The following LCP1 variants were observed in gnomAD, a reference collection of about 807,000 sequenced individuals.
LCP1 encodes lymphocyte cytosolic protein 1, also known as plastin-2.
A neutral mutation model predicts 72.0 loss-of-function variants in LCP1; 23 were observed. That is an observed-to-expected ratio of 0.32 (90% confidence interval 0.23 to 0.45). LCP1 has a LOEUF of 0.45. LCP1 is among the 20% of genes least tolerant of loss of function. The pLI is 1.00. For missense variants in LCP1, 571 were observed against 748.3 expected (o/e 0.76, Z 2.76); for synonymous variants, 245 against 275.4 (o/e 0.89, Z 1.09).
chr13:46,172,752 C>T (rs1480512044), intron 1 of LCP1, among the ~76,000 whole-genome samples: 1 of 147,756 alleles, frequency 6.8e-6, no homozygotes, highest in Non-Finnish European at 1.5e-5. Flanking sequence ...ATAATTCTGC[C>T]CGGAAACCAT....
chr13:46,143,514 C>A, intron 11 of LCP1, 110 bp from the exon 12 acceptor site: 1 of 686,586 alleles, frequency 1.5e-6, no homozygotes, highest in South Asian at 1.7e-5. Flanking sequence ...CACAACAACC[C>A]TGCACACTTG....
In LCP1 at chr13:46,129,923, C is replaced by T. The variant is rs148427643; in HGVS notation, c.1751+891G>A. Among the ~76,000 whole-genome samples the T allele has an allele frequency of 6.6e-5, 10 of 152,200 alleles. No homozygotes were observed. The East Asian group carries it at 1.9e-3, about 29-fold the overall frequency. On this transcript the variant is annotated intron_variant, in intron 15 of 15. Transcript: ENST00000323076. ...GGTGTCTTTCTAAGAAAAGAAGTGT[C>T]GCAGAGAAACACAAAGCGGGAAGAC... is the stretch of plus-strand genomic sequence containing the variant.
chr13:46,166,591 C>T (rs543117441), intron 1 of LCP1, among the ~76,000 whole-genome samples: 199 of 152,260 alleles, frequency 1.3e-3, no homozygotes, highest in Non-Finnish European at 2.3e-3. Context: ...CCAAACATCT[C>T]AAGAACAATC....
intron 1 of LCP1, among the ~76,000 whole-genome samples, chr13:46,166,716 A>T (rs1320137440): frequency 6.6e-6 from 1 of 152,236 alleles, no homozygotes; most frequent in Non-Finnish European, 1.5e-5. Flanking sequence ...AAGCAAAATA[A>T]AATACCCATA....
chr13:46,165,401 C>T (rs555493660), intron 1 of LCP1, among the ~76,000 whole-genome samples: 1 of 151,924 alleles, frequency 6.6e-6, no homozygotes, highest in Non-Finnish European at 1.5e-5. Context: ...AAAAATGCAC[C>T]CATTTTAATT....
rs1414267416 is a variant in LCP1, at chr13:46,150,942, G to A, written c.876C>T (p.Asp292=). The stretch of plus-strand genomic sequence containing the variant: ...CAAACAACGCTCCTCCTACCTTGAT[G>A]TCAGTACTGAAGTTGCCAATTTTGT... The part of the protein sequence containing the change: ...GCNKIGNFST[D]IKDSKAYYHL... Residue 292 remains aspartate (D), a synonymous_variant, in exon 8 of 16, where the codon GAC becomes GAT. Transcript: ENST00000323076. The A allele has an allele frequency of 3.5e-5, 56 of 1,613,478 alleles. No individual in the cohort carries two copies. The highest frequency in any genetic ancestry group is 4.7e-5 in the Non-Finnish European group (55 of 1,179,718).
intron 1 of LCP1, among the ~76,000 whole-genome samples, chr13:46,180,166 G>A (rs1422928153): frequency 1.3e-5 from 2 of 151,998 alleles, no homozygotes; most frequent in African/African-American, 4.8e-5. Flanking sequence ...GCCATCTACT[G>A]CCCCCCACCC....
intron 1 of LCP1, among the ~76,000 whole-genome samples, chr13:46,166,320 G>A (rs1203546081): frequency 6.6e-6 from 1 of 152,184 alleles, no homozygotes; most frequent in African/African-American, 2.4e-5. Context: ...TGCTCAAGGG[G>A]TGGAATCATT....
intron 1 of LCP1, among the ~76,000 whole-genome samples, chr13:46,162,771 A>C (rs1441974871): frequency 6.7e-6 from 1 of 149,990 alleles, no homozygotes; most frequent in Non-Finnish European, 1.5e-5. Context: ...ATCGTCTGAG[A>C]TGTGGGGAGC....
chr13:46,127,773 C>A (rs112963970), intron 15 of LCP1, 50 bp from the exon 16 acceptor site: 3 of 1,606,718 alleles, frequency 1.9e-6, no homozygotes, highest in Non-Finnish European at 2.6e-6. Context: ...AAACACAACA[C>A]GAATGGGACC....
At chr13:46,139,252 G>T (rs2045683523) in intron 13 of LCP1, among the ~76,000 whole-genome samples, 1 of 152,190 alleles carries the variant, frequency 6.6e-6, no homozygotes, top group South Asian at 2.1e-4. Flanking sequence ...CACCAGGGGA[G>T]CCTTATGACA....
At chr13:46,134,657 T>A (rs1428485242) in intron 13 of LCP1, among the ~76,000 whole-genome samples, 1 of 152,198 alleles carries the variant, frequency 6.6e-6, no homozygotes, top group East Asian at 1.9e-4. Context: ...TATAAAATAC[T>A]TTTTGCCTTA....
At chr13:46,142,731 A>T (rs1204013696) in intron 12 of LCP1, 1 of 498,432 alleles carries the variant, frequency 2.0e-6, no homozygotes, top group African/African-American at 1.9e-5. Context: ...CCTACATGTA[A>T]TATTTCTAAA....
chr13:46,136,646 G>T (rs1018141358), intron 13 of LCP1, among the ~76,000 whole-genome samples: 3 of 152,052 alleles, frequency 2.0e-5, no homozygotes, highest in Admixed American at 1.3e-4. Context: ...CTTCATAAAG[G>T]TTACATTTTA....
chr13:46,134,464 G>A (rs760042341), intron 13 of LCP1, among the ~76,000 whole-genome samples: 1 of 151,900 alleles, frequency 6.6e-6, no homozygotes, highest in Non-Finnish European at 1.5e-5. Context: ...GAAATGTAAA[G>A]CAGATACCTC....
chr13:46,157,971 C>T (rs1459260224), intron 4 of LCP1, among the ~76,000 whole-genome samples: 1 of 152,134 alleles, frequency 6.6e-6, no homozygotes, highest in Non-Finnish European at 1.5e-5. Context: ...AGGTGATCCA[C>T]CCGCCTTGGC....
chr13:46,156,711 T>C (rs2045803571), intron 4 of LCP1, 141 bp from the exon 5 acceptor site: 2 of 928,980 alleles, frequency 2.2e-6, no homozygotes, highest in Non-Finnish European at 3.3e-6. Flanking sequence ...CTCATATTTA[T>C]TAAGATTTAA....
At chr13:46,137,902 C>T (rs1458484204) in intron 13 of LCP1, among the ~76,000 whole-genome samples, 1 of 152,226 alleles carries the variant, frequency 6.6e-6, no homozygotes. Context: ...GCTTACTTTC[C>T]TGCCTTCCAA....
At position 46,134,203 on chromosome 13, in the gene LCP1, T is replaced by C. The variant is rs768084208; in HGVS notation, c.1550A>G (p.Asn517Ser). 1.7e-5 allele frequency: 27 copies of C among 1,613,206 alleles called. No homozygotes were observed. The highest frequency in any genetic ancestry group is 2.0e-5 in the Non-Finnish European group (24 of 1,179,224). Residue 517 changes from asparagine (N) to serine (S), a missense_variant, in exon 14 of 16, where the codon AAT (asparagine) becomes AGT (serine). Asn to Ser is a conservative substitution (Grantham distance 46). Transcript: ENST00000323076. Reference protein sequence around the residue: ...LEEIGGGQKVNDDIIVNWVNE... With the variant: ...LEEIGGGQKVSDDIIVNWVNE... ...CACCCAGTTGACAATAATGTCATCA[T>C]TGACCTTCTGGCCACCACCAATTTC...
Sources: gnomAD v4.1 joint callset for allele counts (sites outside exome capture counted in the v4.1 genomes callset) on GRCh38, gnomAD v4.1.1 for gene constraint, MANE v1.5 for transcripts, NCBI Gene and HGNC (gene_info 2026-07-23, HGNC 2026-07-21) for gene names.